The following COL20A1 variants were observed in gnomAD, a reference collection of about 807,000 sequenced individuals.
COL20A1 encodes the protein collagen alpha-1(XX) chain.
COL20A1 carries 164 observed loss-of-function variants against 152.9 expected under a neutral mutation model. The ratio of observed to expected loss-of-function variants is 1.07; its 90% CI spans 0.94 to 1.22. The LOEUF (loss-of-function observed/expected upper bound fraction) is 1.22. Ranked by LOEUF, COL20A1 falls within the 50% of genes most tolerant of loss-of-function variation. The probability of loss-of-function intolerance (pLI) is 0.00; values close to 1 mark genes in which losing one functional copy is unlikely to be tolerated. For synonymous variants in COL20A1, 864 were observed against 756.0 expected, an observed-to-expected ratio of 1.14 and a Z score of -2.34; for missense variants, 1,873 against 1,744.8, an observed-to-expected ratio of 1.07 and a Z score of -1.31.
intron 34 of COL20A1, 120 bp downstream of exon 34, chr20:63,328,618 C>A: frequency 1.0e-6 from 1 of 973,930 alleles, no homozygotes; most frequent in Non-Finnish European, 1.5e-6. Flanking sequence ...GGAGATGCCA[C>A]TGTCCAGCCT....
chr20:63,320,234 G>T (rs1458609547), intron 24 of COL20A1, 37 bp downstream of exon 24: 3 of 1,603,596 alleles, frequency 1.9e-6, no homozygotes, highest in Non-Finnish European at 2.5e-6. Flanking sequence ...GGCCACGCTG[G>T]TGGGGGCTGG....
chr20:63,322,604 T>C (rs182883426), intron 27 of COL20A1, among the ~76,000 whole-genome samples: 14 of 152,326 alleles, frequency 9.2e-5, no homozygotes, highest in African/African-American at 3.4e-4. Context: ...GTTCTGGTTC[T>C]GCGGAGAGGG....
chr20:63,297,762 C>T (rs2067816774), intron 2 of COL20A1, 148 bp from the exon 3 acceptor site: 3 of 622,060 alleles, frequency 4.8e-6, no homozygotes, highest in Middle Eastern at 5.3e-4. Flanking sequence ...GCCTCAGACA[C>T]CCTGGGTGGG....
At chr20:63,297,625 C>T (rs1456379395) in intron 2 of COL20A1, among the ~76,000 whole-genome samples, 2 of 152,230 alleles carry the variant, frequency 1.3e-5, no homozygotes, top group African/African-American at 2.4e-5. Flanking sequence ...CTGGGGCCTC[C>T]CTGGGTGGGA....
At chr20:63,327,080 G>A (rs2068261602) in intron 31 of COL20A1, 1 of 420,468 alleles carries the variant, frequency 2.4e-6, no homozygotes, top group Non-Finnish European at 4.2e-6. Context: ...AGGACTTCCT[G>A]TCGCTCTCCC....
chr20:63,324,895 C>G (rs1360190229), intron 27 of COL20A1: 1 of 191,242 alleles, frequency 5.2e-6, no homozygotes, highest in African/African-American at 2.4e-5. Flanking sequence ...AGAAAGTTTT[C>G]TGTCTCTTCC....
rs201013661 is a variant in COL20A1, at chr20:63,305,901, T to A, written c.358T>A (p.Ser120Thr). ...EFVIEDLKSS[S>T]LDRSSQRPLG... is the part of the protein sequence containing the mutation. ...TGCAGTTGAGGATCTGAAGAGTAGC[T>A]CCCTGGACAGGAGCAGCCAGAGGCC... Residue 120 changes from serine (S) to threonine (T), a missense_variant, in exon 5 of 36, where the codon TCC becomes ACC. By Grantham distance (58) the Ser-to-Thr change is moderately conservative. Transcript: ENST00000358894. The surrounding 1 kb of genome is among the most constrained non-coding windows in gnomAD (Gnocchi z 4.9). 22 of 1,612,948 alleles carry A rather than the reference T, an allele frequency of 1.4e-5. No homozygotes were observed. In the East Asian group the frequency reaches 4.9e-4, roughly 36 times the overall value.
intron 21 of COL20A1, 106 bp downstream of exon 21, chr20:63,316,797 C>A: frequency 1.7e-6 from 2 of 1,170,090 alleles, no homozygotes; most frequent in Non-Finnish European, 2.3e-6. Context: ...CTCCTGGAGG[C>A]TGTGGGACAG....
In COL20A1 at chr20:63,331,304, C is replaced by T. The variant is rs1388655437; in HGVS notation, c.*588C>T. On this transcript the variant is annotated 3_prime_UTR_variant, in exon 36 of 36. Transcript: ENST00000358894. ...CAGCACCTTCACATCTGGGCACAGG[C>T]AGGTCCCTGCCTGCCTCATCGTCCC... 6.6e-6 allele frequency: 1 copy of T among 152,298 alleles called. No homozygotes were observed. The highest frequency in any genetic ancestry group is 1.5e-5 in the Non-Finnish European group (1 of 68,104). The allele number at this position is 152,298 out of a possible 1,614,324, so 9.4% of individuals were successfully genotyped here. A position where few individuals can be genotyped will look rare whatever the true frequency, so the allele number is the denominator to read the frequency against.
intron 14 of COL20A1, 106 bp downstream of exon 14, chr20:63,312,161 A>G: frequency 7.6e-7 from 1 of 1,312,842 alleles, no homozygotes. Flanking sequence ...TCAAAACCAC[A>G]GCGGCCACGA....
Position 63,328,427 on chromosome 20 carries a change from C to T in COL20A1, c.3710C>T (p.Ser1237Phe), listed in dbSNP as rs376331855. Reference sequence around the variant, plus strand: ...GAGCCGGGCACTGAGCCCCTGGGGTCCCCTGGCACCCGCAGCAAGGCCCTG... The same window carrying T: ...GAGCCGGGCACTGAGCCCCTGGGGTTCCCTGGCACCCGCAGCAAGGCCCTG... Reference protein sequence around the residue: ...KLEPGTEPLGSPGTRSKALVP... With the variant: ...KLEPGTEPLGFPGTRSKALVP... Residue 1237 changes from serine to phenylalanine, a missense_variant, in exon 34 of 36, where the codon TCC becomes TTC. By Grantham distance (155) the Ser-to-Phe change is radical (BLOSUM62 -2). Transcript: ENST00000358894. 6 of 1,612,440 alleles carry T rather than the reference C, an allele frequency of 3.7e-6. No individual in the cohort carries two copies. The highest frequency in any genetic ancestry group is 3.3e-5 in the South Asian group (3 of 90,914).
chr20:63,296,738 CCCT>C (rs1171215775), intron 2 of COL20A1, among the ~76,000 whole-genome samples: 1 of 152,198 alleles, frequency 6.6e-6, no homozygotes, highest in Non-Finnish European at 1.5e-5. Flanking sequence ...CTTCAGAGCC[CCCT>C]CCTCATCCCC....
chr20:63,301,230 G>A (rs1443919695), intron 3 of COL20A1, among the ~76,000 whole-genome samples: 10 of 152,130 alleles, frequency 6.6e-5, no homozygotes, highest in Non-Finnish European at 1.0e-4. Flanking sequence ...CAGGAGAATC[G>A]CTTGAACCTG....
Position 63,305,623 on chromosome 20 carries a change from G to A in COL20A1, c.337+63G>A, listed in dbSNP as rs1264716375. On this transcript the variant is annotated intron_variant, in intron 4 of 35. Coordinates refer to ENST00000358894, the MANE Select transcript of COL20A1 (RefSeq NM_020882.4). This position sits in a 1 kb window ranked among gnomAD's most constrained non-coding sequence, Gnocchi z 4.9. ...CAGGCCGGGTCCCACCCTCCTCTGG[G>A]CTGGGGTCCCACCCTCCTCCAGGCT... 6.7e-7 allele frequency: 1 copy of A among 1,503,666 alleles called. No individual in the cohort carries two copies. Among genetic ancestry groups the A allele is most frequent in the Non-Finnish European group, 8.9e-7 (1 of 1,122,094 alleles). The allele number at this position is 1,503,666 out of a possible 1,614,324, so 93.1% of individuals were successfully genotyped here.
At position 63,333,414 on chromosome 20, in the gene COL20A1, T is replaced by A. The variant is rs1344704552; in HGVS notation, c.*2698T>A. The A allele has an allele frequency of 2.0e-5, 3 of 152,632 alleles. No individual in the cohort carries two copies. In the East Asian group the frequency reaches 5.8e-4, roughly 29 times the overall value. 9.5% of individuals were successfully genotyped at this position (152,632 alleles called of 1,614,324 possible). A position where few individuals can be genotyped will look rare whatever the true frequency, so the allele number is the denominator to read the frequency against. On this transcript the variant is annotated 3_prime_UTR_variant, in exon 36 of 36. Coordinates refer to ENST00000358894, the MANE Select transcript of COL20A1 (RefSeq NM_020882.4). ...TGGGAAGGTCATGGAATCACGGGGCTCACGCTGGGGTCACAGGGTGGTGTG... is the reference window on the plus strand; with the variant it reads ...TGGGAAGGTCATGGAATCACGGGGCACACGCTGGGGTCACAGGGTGGTGTG...
At chr20:63,315,691 C>G (rs1168626930) in intron 20 of COL20A1, among the ~76,000 whole-genome samples, 1 of 152,158 alleles carries the variant, frequency 6.6e-6, no homozygotes, top group East Asian at 1.9e-4. Flanking sequence ...GCTGGGGGCG[C>G]TGGGTCCTTT....
Position 63,316,707 on chromosome 20 carries a change from C to A in COL20A1, c.2663+16C>A. 6.6e-7 allele frequency: 1 copy of A among 1,516,884 alleles called. No individual in the cohort carries two copies. The highest frequency in any genetic ancestry group is 1.2e-5 in the South Asian group (1 of 80,758). 94.0% of individuals were successfully genotyped at this position (1,516,884 alleles called of 1,614,324 possible). A position where few individuals can be genotyped will look rare whatever the true frequency, so the allele number is the denominator to read the frequency against. On this transcript the variant is annotated intron_variant, in intron 21 of 35. Coordinates refer to ENST00000358894, the MANE Select transcript of COL20A1 (RefSeq NM_020882.4). The stretch of plus-strand genomic sequence containing the variant: ...GACGGGTCAGGTGTGAGGGCAAGGG[C>A]TGGGGTGGAGCTGGAAGCCCAGGCT...
chr20:63,326,106 G>T lies in COL20A1; in HGVS notation c.3413G>T (p.Gly1138Val), dbSNP rs750082357. ...TTCCTTTGCCATCAGGGAATGAGAG[G>T]CCTGGAGGGAACTGCTGGCCTGCCT... ...VGLQGPKGMR[G>V]LEGTAGLPGP... Residue 1138 changes from glycine (G) to valine (V), a missense_variant, in exon 30 of 36, where the codon GGC becomes GTC. Gly to Val is a moderately radical substitution (Grantham distance 109). Transcript: ENST00000358894. 6.2e-7 allele frequency: 1 copy of T among 1,612,776 alleles called. No homozygotes were observed. The highest frequency in any genetic ancestry group is 1.1e-5 in the South Asian group (1 of 91,080).
intron 30 of COL20A1, among the ~76,000 whole-genome samples, chr20:63,326,527 C>CATGG (rs1555833476): frequency 3.3e-5 from 5 of 152,110 alleles, no homozygotes; most frequent in African/African-American, 1.2e-4. Context: ...TTTAGAGCAG[C>CATGG]GTGCTGACAG....
Sources: allele counts gnomAD v4.1 joint callset (sites outside exome capture counted in the v4.1 genomes callset), GRCh38; gene constraint gnomAD v4.1.1; non-coding constraint Gnocchi (gnomAD v3.1); transcripts MANE v1.5; gene names NCBI Gene and HGNC (gene_info 2026-07-23, HGNC 2026-07-21).